DSG2: variants seen among roughly 807,000 people sequenced by gnomAD.
DSG2 encodes the protein desmoglein 2, also known as desmoglein-2.
A neutral mutation model predicts 75.6 loss-of-function variants in DSG2; 45 were observed. The ratio of observed to expected loss-of-function variants is 0.60; its 90% CI spans 0.47 to 0.76. The LOEUF (loss-of-function observed/expected upper bound fraction) is 0.76. Among genes scored for constraint, DSG2 ranks in the 30% least tolerant of loss-of-function variants. The pLI is 0.00. For missense variants in DSG2, 1,267 were observed against 1,357.4 expected, an observed-to-expected ratio of 0.93 and a Z score of 1.05; for synonymous variants, 429 against 483.9, an observed-to-expected ratio of 0.89 and a Z score of 1.49.
intron 10 of DSG2, 84 bp downstream of exon 10, chr18:31,535,496 G>T (rs1397943872): frequency 7.6e-7 from 1 of 1,319,450 alleles, no homozygotes; most frequent in East Asian, 2.4e-5. Flanking sequence ...ATTTGATTGT[G>T]TATAAAAACC....
chr18:31,541,957 C>T (rs752931217), intron 13 of DSG2, among the ~76,000 whole-genome samples: 3 of 151,874 alleles, frequency 2.0e-5, no homozygotes, highest in Non-Finnish European at 2.9e-5. Context: ...TGGTTGAGTT[C>T]CATTCCCACA....
rs183494886 is a variant in DSG2, at chr18:31,546,745, C to T, written c.*2C>T. On this transcript the variant is annotated 3_prime_UTR_variant, in exon 15 of 15. Transcript: ENST00000261590. ...ACTGTACAGCATTCTTACTCCTAAA[C>T]AGCAGTCAGCCACAAACTGACCCAG... 1,693 of 1,613,762 alleles carry T rather than the reference C, an allele frequency of 1.0e-3. 5 individuals are homozygous for T. The highest frequency in any genetic ancestry group is 2.8e-3 in the South Asian group (255 of 91,076).
At chr18:31,509,679 TG>T (rs1330397296) in intron 1 of DSG2, among the ~76,000 whole-genome samples, 1 of 152,236 alleles carries the variant, frequency 6.6e-6, no homozygotes, top group African/African-American at 2.4e-5. Context: ...AACATAAATC[TG>T]ACCCACGTCA....
chr18:31,527,765 G>A (rs1415896769), intron 8 of DSG2, among the ~76,000 whole-genome samples: 1 of 152,200 alleles, frequency 6.6e-6, no homozygotes, highest in African/African-American at 2.4e-5. Context: ...CATCATCTGG[G>A]TTGCTTATTA....
rs754885794 is a variant in DSG2, at chr18:31,502,346, C to CAA, written c.45+4050_45+4051insAA. 1.5e-3 allele frequency among the ~76,000 whole-genome samples: 235 copies of CAA among 152,170 alleles called. 1 individual carries two copies. Among genetic ancestry groups the CAA allele is most frequent in the Non-Finnish European group, 2.9e-3 (199 of 68,000 alleles). ...AAGTGTAAGCGTGAGAATTACTGGT[C>CAA]TATATTTTGCAAAAAAATCTATATT... On this transcript the variant is annotated intron_variant, in intron 1 of 14. Coordinates refer to ENST00000261590, the MANE Select transcript of DSG2 (RefSeq NM_001943.5).
At position 31,505,847 on chromosome 18, in the gene DSG2, AGACAGAGTTTC is replaced by A. The variant is rs1438788365; in HGVS notation, c.45+7552_45+7562del. Among the ~76,000 whole-genome samples, 13 of 152,074 alleles carry A rather than the reference AGACAGAGTTTC, an allele frequency of 8.5e-5. No individual in the cohort carries two copies. In the East Asian group the frequency reaches 1.6e-3, roughly 18 times the overall value. ...CATCTAATTTTTGTATTTTTAGTAG[AGACAGAGTTTC>A]ACCATGTTGGCCAGAATGGTCTTGG... On this transcript the variant is annotated intron_variant, in intron 1 of 14. Transcript: ENST00000261590.
chr18:31,525,558 G>A (rs929586907), intron 8 of DSG2, among the ~76,000 whole-genome samples: 1 of 151,018 alleles, frequency 6.6e-6, no homozygotes, highest in Non-Finnish European at 1.5e-5. Context: ...GTAAACCCAG[G>A]CCTCACTAAT....
At chr18:31,533,978 ATTTCT>A (rs1318967003) in intron 9 of DSG2, among the ~76,000 whole-genome samples, 1 of 142,036 alleles carries the variant, frequency 7.0e-6, no homozygotes, top group Admixed American at 7.2e-5. Context: ...AATTACATAC[ATTTCT>A]TTTTTTTCTT....
intron 13 of DSG2, 108 bp downstream of exon 13, chr18:31,541,422 A>G: frequency 1.4e-6 from 2 of 1,380,646 alleles, no homozygotes; most frequent in South Asian, 1.2e-5. Flanking sequence ...ATCACTATGG[A>G]TTTCACTCAT....
intron 2 of DSG2, among the ~76,000 whole-genome samples, chr18:31,519,352 C>G (rs1043875776): frequency 3.9e-5 from 6 of 151,996 alleles, no homozygotes; most frequent in Non-Finnish European, 8.8e-5. Context: ...AGGCTTGAGT[C>G]TAGGAGTTCA....
chr18:31,522,570 T>G (rs2073135274), intron 6 of DSG2: 1 of 199,458 alleles, frequency 5.0e-6, no homozygotes, highest in Non-Finnish European at 1.0e-5. Flanking sequence ...AAATAATATT[T>G]TAGATATCAT....
chr18:31,536,574 C>CAT, intron 11 of DSG2, 145 bp downstream of exon 11: 1 of 817,532 alleles, frequency 1.2e-6, no homozygotes, highest in Admixed American at 2.4e-5. Flanking sequence ...AACCTACTGA[C>CAT]ATATAGTATC....
In DSG2 at chr18:31,524,701, AGCTTGAAGGGAT is replaced by A. The variant is rs794728093; in HGVS notation, c.829_840del (p.Leu277_Met280del). On this transcript the variant is annotated splice_acceptor_variant and coding_sequence_variant, in exon 8 of 15. Transcript: ENST00000261590. LOFTEE classifies it high-confidence loss of function. ...TAAAAATCATGTGTTCATGTTTTGC[AGCTTGAAGGGAT>A]GGTTGAAGAAAATCAAGTCAACGTA... is the stretch of plus-strand genomic sequence containing the variant. 48 of 1,614,046 alleles carry A rather than the reference AGCTTGAAGGGAT, an allele frequency of 3.0e-5. No individual in the cohort carries two copies. The highest frequency in any genetic ancestry group is 4.0e-5 in the Non-Finnish European group (47 of 1,180,022).
Position 31,548,230 on chromosome 18 carries a change from A to C in DSG2, c.*1487A>C, listed in dbSNP as rs1353442040. 6.6e-6 allele frequency: 1 copy of C among 152,164 alleles called. No homozygotes were observed. Among genetic ancestry groups the C allele is most frequent in the Admixed American group, 6.5e-5 (1 of 15,282 alleles). The allele number at this position is 152,164 out of a possible 1,614,324, so 9.4% of individuals were successfully genotyped here. ...ACAAATCATTTGGGTTATCTCCTAA[A>C]TAGGTTATATTTTATTGCTTCTAGA... On this transcript the variant is annotated 3_prime_UTR_variant, in exon 15 of 15. Coordinates refer to ENST00000261590, the MANE Select transcript of DSG2 (RefSeq NM_001943.5).
Position 31,524,739 on chromosome 18 carries a change from G to A in DSG2, c.865G>A (p.Glu289Lys). The A allele has an allele frequency of 6.2e-7, 1 of 1,614,162 alleles. No homozygotes were observed. Among genetic ancestry groups the A allele is most frequent in the South Asian group, 1.1e-5 (1 of 91,086 alleles). ...GMVEENQVNV[E>K]VTRIKVFDAD... ...GGTTGAAGAAAATCAAGTCAACGTA[G>A]AAGTTACGCGCATAAAAGTGTTCGA... Residue 289 changes from glutamate to lysine, a missense_variant, in exon 8 of 15, where the codon GAA becomes AAA. By Grantham distance (56) the Glu-to-Lys change is moderately conservative. Coordinates refer to ENST00000261590, the MANE Select transcript of DSG2 (RefSeq NM_001943.5).
intron 8 of DSG2, among the ~76,000 whole-genome samples, chr18:31,527,818 C>T (rs190910449): frequency 1.4e-4 from 22 of 152,242 alleles, no homozygotes; most frequent in Middle Eastern, 3.4e-3. Context: ...GCTGGAAAGC[C>T]CAAGATCAAA....
chr18:31,509,649 A>C (rs1395408521), intron 1 of DSG2, among the ~76,000 whole-genome samples: 3 of 152,192 alleles, frequency 2.0e-5, no homozygotes, highest in African/African-American at 4.8e-5. Flanking sequence ...AAGAAGAGAA[A>C]AGTGCAGTAG....
intron 5 of DSG2, among the ~76,000 whole-genome samples, chr18:31,521,578 G>T (rs1295172623): frequency 6.6e-6 from 1 of 152,102 alleles, no homozygotes; most frequent in East Asian, 1.9e-4. Flanking sequence ...AAAACAGGTG[G>T]CTGGTTAGCT....
chr18:31,499,226 T>C (rs917105756), intron 1 of DSG2, among the ~76,000 whole-genome samples: 1 of 152,230 alleles, frequency 6.6e-6, no homozygotes, highest in African/African-American at 2.4e-5. Context: ...TTACAGAGAT[T>C]AGATGCAAAA....
Sources: allele counts gnomAD v4.1 joint callset (sites outside exome capture counted in the v4.1 genomes callset), GRCh38; gene constraint gnomAD v4.1.1; transcripts MANE v1.5; gene names NCBI Gene and HGNC (gene_info 2026-07-23, HGNC 2026-07-21).